Variants in RBFOX1 observed in about 807,000 individuals in gnomAD.
The protein encoded by RBFOX1 is RNA binding fox-1 homolog 1.
A neutral mutation model predicts 57.7 loss-of-function variants in RBFOX1; 8 were observed. The observed-to-expected ratio is 0.14, with a 90% CI of 0.08 to 0.25. The LOEUF (loss-of-function observed/expected upper bound fraction) is 0.25. Ranked by LOEUF, RBFOX1 falls within the 10% of genes least tolerant of loss-of-function variation. The pLI is 1.00. For synonymous variants in RBFOX1, 326 were observed against 222.4 expected (o/e 1.47, Z -4.15); for missense variants, 611 against 548.5 (o/e 1.11, Z -1.14).
intron 4 of RBFOX1, among the ~76,000 whole-genome samples, chr16:7,099,926 T>G (rs1263788772): frequency 6.6e-6 from 1 of 152,012 alleles, no homozygotes; most frequent in African/African-American, 2.4e-5. Context: ...ACTTAAAGTT[T>G]GTGTTGATGG....
At chr16:7,278,739 T>A (rs2095487746) in intron 4 of RBFOX1, among the ~76,000 whole-genome samples, 1 of 152,212 alleles carries the variant, frequency 6.6e-6, no homozygotes, top group South Asian at 2.1e-4. Flanking sequence ...ATGTATTCAG[T>A]TTGAACTTAA....
chr16:6,200,893 T>C (rs190736931), intron 1 of RBFOX1, among the ~76,000 whole-genome samples: 27 of 152,202 alleles, frequency 1.8e-4, no homozygotes, highest in African/African-American at 6.0e-4. Flanking sequence ...ATTTGTGTAT[T>C]TTTATGCAGC....
intron 4 of RBFOX1, among the ~76,000 whole-genome samples, chr16:7,151,332 T>C (rs938772038): frequency 6.6e-6 from 1 of 152,192 alleles, no homozygotes; most frequent in Non-Finnish European, 1.5e-5. Flanking sequence ...AAACTTTATA[T>C]TTTTTGACAG....
At chr16:6,105,208 T>C (rs1221437970) in intron 1 of RBFOX1, among the ~76,000 whole-genome samples, 1 of 152,238 alleles carries the variant, frequency 6.6e-6, no homozygotes, top group African/African-American at 2.4e-5. Flanking sequence ...TTTAAGTTAC[T>C]GTTTTGGAGA....
rs561058677 is a variant in RBFOX1 at position 5,407,764 on chromosome 16, G to C, written c.220-59452G>C. On this transcript the variant is annotated intron_variant, in intron 1 of 2. Coordinates refer to the RBFOX1 transcript ENST00000585867. ...GGGTTTCACTGTGTTGGCCAGGCTGGTCTCGAACTCCTGACCTCAAACGAT... is the reference window on the plus strand; with the variant it reads ...GGGTTTCACTGTGTTGGCCAGGCTGCTCTCGAACTCCTGACCTCAAACGAT... Among the ~76,000 whole-genome samples, 4 of 152,316 alleles carry C rather than the reference G, an allele frequency of 2.6e-5. No individual in the cohort carries two copies. In the South Asian group the frequency reaches 8.3e-4, roughly 32 times the overall value.
chr16:7,166,345 C>G (rs958896756), intron 4 of RBFOX1, among the ~76,000 whole-genome samples: 1 of 152,088 alleles, frequency 6.6e-6, no homozygotes, highest in African/African-American at 2.4e-5. Flanking sequence ...AGAAAATTCC[C>G]AAATCAGCAA....
At chr16:5,880,321 T>C (rs2057731201) in intron 4 of RBFOX1, among the ~76,000 whole-genome samples, 1 of 152,208 alleles carries the variant, frequency 6.6e-6, no homozygotes, top group Admixed American at 6.5e-5. Context: ...CCCAAGGTTC[T>C]TGACAGATTT....
At chr16:6,847,174 C>G (rs2093802226) in intron 3 of RBFOX1, among the ~76,000 whole-genome samples, 1 of 152,188 alleles carries the variant, frequency 6.6e-6, no homozygotes, top group Non-Finnish European at 1.5e-5. Flanking sequence ...AACTCAAGCC[C>G]TCACTTCCAG....
intron 4 of RBFOX1, among the ~76,000 whole-genome samples, chr16:7,249,094 G>T (rs1312998835): frequency 6.6e-6 from 1 of 152,070 alleles, no homozygotes; most frequent in Non-Finnish European, 1.5e-5. Flanking sequence ...GGAGAGGGAG[G>T]GGAAGAGAGA....
chr16:5,575,591 G>A (rs2046424484), intron 2 of RBFOX1, among the ~76,000 whole-genome samples: 2 of 152,196 alleles, frequency 1.3e-5, no homozygotes, highest in African/African-American at 4.8e-5. Flanking sequence ...TCCCATGCCA[G>A]CCAGGGTTGG....
rs112551972 is a variant in RBFOX1 at position 7,550,372 on chromosome 16, AG to A, written c.271-29403del. Among the ~76,000 whole-genome samples the A allele has an allele frequency of 3.5e-3, 532 of 152,160 alleles. 1 individual carries two copies. Among genetic ancestry groups the A allele is most frequent in the African/African-American group, 0.012 (502 of 41,512 alleles). On this transcript the variant is annotated intron_variant, in intron 5 of 15. Transcript: ENST00000550418. ...ATGCATATCTGCTCTGGGGCTATAGAGGCAGCTGTGACGATGCCCAGAGGGG... is the reference window on the plus strand; with the variant it reads ...ATGCATATCTGCTCTGGGGCTATAGAGCAGCTGTGACGATGCCCAGAGGGG...
At chr16:7,253,032 G>A (rs535098745) in intron 4 of RBFOX1, among the ~76,000 whole-genome samples, 1 of 152,256 alleles carries the variant, frequency 6.6e-6, no homozygotes, top group African/African-American at 2.4e-5. Context: ...GTAAATGAGT[G>A]TTCTGCATCT....
intron 2 of RBFOX1, among the ~76,000 whole-genome samples, chr16:5,544,698 G>A (rs564523987): frequency 2.0e-5 from 3 of 152,184 alleles, no homozygotes; most frequent in East Asian, 3.9e-4. Flanking sequence ...TCTTTGTATA[G>A]TACATACTTA....
At chr16:5,305,300 G>A (rs1456202869) in intron 1 of RBFOX1, among the ~76,000 whole-genome samples, 1 of 152,114 alleles carries the variant, frequency 6.6e-6, no homozygotes, top group Admixed American at 6.5e-5. Context: ...GCACCACACA[G>A]GCTTTTATTG....
chr16:7,155,712 A>ATAT (rs1555516461), intron 4 of RBFOX1, among the ~76,000 whole-genome samples: 5 of 77,416 alleles, frequency 6.5e-5, no homozygotes, highest in Non-Finnish European at 1.2e-4. Flanking sequence ...AAAAAAAAAA[A>ATAT]ATATATATAT....
Position 7,676,825 on chromosome 16 carries a change from G to A in RBFOX1, c.982G>A (p.Ala328Thr), listed in dbSNP as rs753193794. Residue 328 changes from alanine to threonine, a missense_variant, in exon 14 of 16, where the codon GCC (alanine) becomes ACC (threonine). Transcript: ENST00000550418. Reference protein sequence around the residue: ...YAQPTPATAAAYSDSYGRVYA... With the variant: ...YAQPTPATAATYSDSYGRVYA... Reference sequence around the variant, plus strand: ...CCAGCCTACCCCTGCCACTGCCGCTGCCTACAGTGACAGGTAAGGGTCATC... The same window carrying A: ...CCAGCCTACCCCTGCCACTGCCGCTACCTACAGTGACAGGTAAGGGTCATC... The A allele has an allele frequency of 6.2e-7, 1 of 1,612,934 alleles. No homozygotes were observed. The highest frequency in any genetic ancestry group is 1.1e-5 in the South Asian group (1 of 91,052).
At chr16:5,305,550 T>G (rs2063912437) in intron 1 of RBFOX1, among the ~76,000 whole-genome samples, 2 of 152,192 alleles carry the variant, frequency 1.3e-5, no homozygotes, top group Non-Finnish European at 2.9e-5. Context: ...AACCTGCTGT[T>G]AGGATCTGTG....
At chr16:6,737,748 T>A (rs980471962) in intron 3 of RBFOX1, among the ~76,000 whole-genome samples, 3 of 152,208 alleles carry the variant, frequency 2.0e-5, no homozygotes, top group Admixed American at 6.5e-5. Flanking sequence ...ATATGGGATT[T>A]AAATAATAGT....
At chr16:6,509,572 C>T (rs955733197) in intron 2 of RBFOX1, among the ~76,000 whole-genome samples, 13 of 152,190 alleles carry the variant, frequency 8.5e-5, no homozygotes, top group African/African-American at 2.9e-4. Context: ...GGGGCTGGTT[C>T]ATGGGAACAA....
Sources: gnomAD v4.1 joint callset for allele counts (sites outside exome capture counted in the v4.1 genomes callset) on GRCh38, gnomAD v4.1.1 for gene constraint, MANE v1.5 for transcripts, NCBI Gene and HGNC (gene_info 2026-07-23, HGNC 2026-07-21) for gene names.